Variants in IL1RAPL2 observed in about 807,000 individuals in gnomAD.
IL1RAPL2 encodes interleukin 1 receptor accessory protein like 2.
In IL1RAPL2, 3 loss-of-function variants were observed where a neutral mutation model predicts 44.1. The ratio of observed to expected loss-of-function variants is 0.07; its 90% CI spans 0.03 to 0.18. The LOEUF is 0.18. Ranked by LOEUF, IL1RAPL2 falls within the 10% of genes least tolerant of loss-of-function variation. The pLI, the probability that IL1RAPL2 is intolerant of heterozygous loss-of-function variation, is 1.00. For synonymous variants in IL1RAPL2, 181 were observed against 178.8 expected, an observed-to-expected ratio of 1.01 and a Z score of -0.10; for missense variants, 391 against 496.4, an observed-to-expected ratio of 0.79 and a Z score of 2.02.
intron 2 of IL1RAPL2, among the ~76,000 whole-genome samples, chrX:104,917,118 T>C (rs1447834557): frequency 1.8e-5 from 2 of 111,840 alleles, no homozygotes; most frequent in Non-Finnish European, 3.8e-5. Flanking sequence ...CTTTTTCTAT[T>C]GATTGGAATA....
At chrX:104,849,284 A>G (rs1381979490) in intron 2 of IL1RAPL2, among the ~76,000 whole-genome samples, 2 of 100,464 alleles carry the variant, frequency 2.0e-5, no homozygotes, top group African/African-American at 3.6e-5. Context: ...TCCCAGGCTC[A>G]AGTGATCTGC....
chrX:104,766,080 T>A (rs982023151), intron 2 of IL1RAPL2, among the ~76,000 whole-genome samples: 57 of 112,299 alleles, frequency 5.1e-4, no homozygotes, highest in Admixed American at 1.3e-3. Context: ...ATTGGCACAG[T>A]CAGAGGGATC....
chrX:104,577,712 T>C lies in IL1RAPL2; in HGVS notation c.-20+10661T>C, dbSNP rs1010992100. On this transcript the variant is annotated intron_variant, in intron 1 of 10. Coordinates refer to ENST00000372582, the MANE Select transcript of IL1RAPL2 (RefSeq NM_017416.2). ...TGAGGAGGACACAAGAGCAGGGTGA[T>C]GATGCAGCCCAGCAGTGGCTAGGGC... Among the ~76,000 whole-genome samples the C allele has an allele frequency of 5.4e-5, 6 of 111,083 alleles. No homozygotes were observed. The Admixed American group carries it at 5.7e-4, about 11-fold the overall frequency.
At chrX:105,475,350 A>G (rs1391462549) in intron 5 of IL1RAPL2, among the ~76,000 whole-genome samples, 1 of 110,523 alleles carries the variant, frequency 9.0e-6, no homozygotes, top group African/African-American at 3.3e-5. Flanking sequence ...ATCCTTGGGT[A>G]TCATATTATA....
chrX:104,719,239 A>G (rs1035981867), intron 2 of IL1RAPL2, among the ~76,000 whole-genome samples: 1 of 112,418 alleles, frequency 8.9e-6, no homozygotes, highest in African/African-American at 3.2e-5. Context: ...GCTCTTGATC[A>G]CAAGGAATAG....
intron 1 of IL1RAPL2, among the ~76,000 whole-genome samples, chrX:104,628,951 T>C (rs1929576695): frequency 8.9e-6 from 1 of 111,996 alleles, no homozygotes; most frequent in African/African-American, 3.2e-5. Flanking sequence ...ACATTCATAC[T>C]ATGGAATACT....
At chrX:104,996,409 C>G (rs1304967590) in intron 2 of IL1RAPL2, among the ~76,000 whole-genome samples, 1 of 111,512 alleles carries the variant, frequency 9.0e-6, no homozygotes, top group Non-Finnish European at 1.9e-5. Context: ...AGAAAATAGT[C>G]CATAGGTTCA....
At chrX:104,964,640 A>G (rs1386778089) in intron 2 of IL1RAPL2, among the ~76,000 whole-genome samples, 1 of 110,729 alleles carries the variant, frequency 9.0e-6, no homozygotes, top group Non-Finnish European at 1.9e-5. Context: ...CAAGAAAAAT[A>G]AGAAATAGCT....
At chrX:105,558,073 A>G (rs1322168410) in intron 6 of IL1RAPL2, among the ~76,000 whole-genome samples, 1 of 111,307 alleles carries the variant, frequency 9.0e-6, no homozygotes, top group African/African-American at 3.3e-5. Context: ...TCATAGCCCA[A>G]GTATACTTGG....
At chrX:105,447,796 T>C (rs12396607) in intron 5 of IL1RAPL2, among the ~76,000 whole-genome samples, 1,259 of 87,933 alleles carry the variant, frequency 0.014, 44 homozygotes, top group African/African-American at 0.055. Context: ...TATATATAAA[T>C]ATATTATACA....
intron 2 of IL1RAPL2, among the ~76,000 whole-genome samples, chrX:104,721,569 G>C (rs1294715194): frequency 9.1e-6 from 1 of 110,203 alleles, no homozygotes; most frequent in Non-Finnish European, 1.9e-5. Flanking sequence ...AAATAACCAA[G>C]GGATGCGGGG....
Position 104,905,047 on chromosome X carries a change from T to C in IL1RAPL2, c.82+246052T>C, listed in dbSNP as rs1446330042. On this transcript the variant is annotated intron_variant, in intron 2 of 10. Transcript: ENST00000372582. ...GTGGTTTTGATTTGCATTTCTCTGATGGCCAGTGATGATGAGCATTTTTTC... is the reference window on the plus strand; with the variant it reads ...GTGGTTTTGATTTGCATTTCTCTGACGGCCAGTGATGATGAGCATTTTTTC... Among the ~76,000 whole-genome samples, 3 of 111,081 alleles carry C rather than the reference T, an allele frequency of 2.7e-5. No individual in the cohort carries two copies. The Admixed American group carries it at 2.8e-4, about 11-fold the overall frequency.
intron 1 of IL1RAPL2, among the ~76,000 whole-genome samples, chrX:104,572,941 C>A (rs1380256351): frequency 8.9e-6 from 1 of 111,843 alleles, no homozygotes; most frequent in Non-Finnish European, 1.9e-5. Context: ...CATTGTTGAT[C>A]CCCCTTTTAT....
intron 3 of IL1RAPL2, chrX:105,220,078 A>G: frequency 2.5e-6 from 3 of 1,211,384 alleles, no homozygotes; most frequent in Non-Finnish European, 3.4e-6. Flanking sequence ...GTCTGATGCC[A>G]AGGCCTGTGC....
intron 6 of IL1RAPL2, among the ~76,000 whole-genome samples, chrX:105,657,076 G>C (rs909920492): frequency 1.8e-5 from 2 of 111,316 alleles, no homozygotes; most frequent in African/African-American, 6.5e-5. Context: ...CTCTGACTCT[G>C]ACTACTCCTA....
At chrX:105,695,332 A>G (rs1441370675) in intron 6 of IL1RAPL2, among the ~76,000 whole-genome samples, 3 of 111,854 alleles carry the variant, frequency 2.7e-5, no homozygotes, top group African/African-American at 9.8e-5. Flanking sequence ...TCCAAAGGAA[A>G]CTTTCAGATT....
At chrX:105,491,219 T>A (rs1244866502) in intron 6 of IL1RAPL2, among the ~76,000 whole-genome samples, 1 of 111,389 alleles carries the variant, frequency 9.0e-6, no homozygotes, top group East Asian at 2.8e-4. Flanking sequence ...ATTTTTATTT[T>A]TTTTTATACT....
chrX:105,531,105 A>T (rs966755675), intron 6 of IL1RAPL2, among the ~76,000 whole-genome samples: 5 of 111,717 alleles, frequency 4.5e-5, no homozygotes, highest in African/African-American at 9.8e-5. Flanking sequence ...CAGCAGTGGG[A>T]TTGCTGGATC....
intron 2 of IL1RAPL2, among the ~76,000 whole-genome samples, chrX:104,746,486 G>T (rs1177585555): frequency 3.6e-5 from 4 of 111,478 alleles, no homozygotes; most frequent in East Asian, 5.6e-4. Flanking sequence ...CTCTGCAAAT[G>T]TGATTTTTAA....
Sources: gnomAD v4.1 joint callset for allele counts (sites outside exome capture counted in the v4.1 genomes callset) on GRCh38, gnomAD v4.1.1 for gene constraint, MANE v1.5 for transcripts, NCBI Gene and HGNC (gene_info 2026-07-23, HGNC 2026-07-21) for gene names.